TESPA1: variants seen among roughly 807,000 people sequenced by gnomAD.
TESPA1 encodes the protein protein TESPA1.
Under a neutral mutation model 57.9 loss-of-function variants are expected in TESPA1, and 33 were observed. The observed-to-expected ratio is 0.57, with a 90% CI of 0.43 to 0.76. The LOEUF (loss-of-function observed/expected upper bound fraction) is 0.76. Among genes scored for constraint, TESPA1 ranks in the 30% least tolerant of loss-of-function variants. TESPA1 has a pLI of 0.00. For synonymous variants in TESPA1, 227 were observed against 228.9 expected (o/e 0.99, Z 0.07); for missense variants, 618 against 632.9 (o/e 0.98, Z 0.25).
intron 10 of TESPA1, among the ~76,000 whole-genome samples, chr12:54,955,361 G>A (rs72648125): frequency 0.2 from 31,092 of 152,046 alleles, 5,379 homozygotes; most frequent in East Asian, 0.84. Context: ...TTATCAAGGA[G>A]GGTAGCACCT....
At chr12:54,982,465 C>T (rs550552433) in intron 1 of TESPA1, among the ~76,000 whole-genome samples, 1 of 152,320 alleles carries the variant, frequency 6.6e-6, no homozygotes, top group East Asian at 1.9e-4. Context: ...TGAAAGAAGA[C>T]CATCTAAGAC....
intron 10 of TESPA1, among the ~76,000 whole-genome samples, chr12:54,957,507 C>T (rs1220627887): frequency 6.6e-6 from 1 of 152,122 alleles, no homozygotes; most frequent in East Asian, 1.9e-4. Context: ...ATTGGCAGTA[C>T]TGAGCTGTTG....
chr12:54,975,767 A>G (rs1053374531), intron 1 of TESPA1, among the ~76,000 whole-genome samples: 2 of 152,214 alleles, frequency 1.3e-5, no homozygotes, highest in East Asian at 3.8e-4. Flanking sequence ...ACTTAAAACC[A>G]TTAGTGAGGC....
In TESPA1 at chr12:54,963,734, A is replaced by G; in HGVS notation, c.655+8T>C. 6.2e-7 allele frequency: 1 copy of G among 1,609,246 alleles called. No homozygotes were observed. The highest frequency in any genetic ancestry group is 8.5e-7 in the Non-Finnish European group (1 of 1,178,100). On this transcript the variant is annotated splice_region_variant and intron_variant, in intron 8 of 10. Transcript: ENST00000449076. ...GAAGTAGAGCAGGTGCCTGGGAGGG[A>G]CACTCACTGGCCAGCATGAGGCAGG...
At chr12:54,984,171 A>G (rs1440771888) in intron 1 of TESPA1, 1 of 152,214 alleles carries the variant, frequency 6.6e-6, no homozygotes, top group Non-Finnish European at 1.5e-5. Flanking sequence ...TAGGGCCTGA[A>G]ATGAAACCGG....
At chr12:54,981,474 G>A (rs74678562) in intron 1 of TESPA1, among the ~76,000 whole-genome samples, 1,872 of 151,748 alleles carry the variant, frequency 0.012, 43 homozygotes, top group African/African-American at 0.043. Flanking sequence ...TAATGTAACT[G>A]ACGAGTTAAC....
Position 54,975,531 on chromosome 12 carries a change from C to T in TESPA1, c.-45-924G>A, listed in dbSNP as rs368990262. Reference sequence around the variant, plus strand: ...CTAATGTAATATTCATTGGCTCATACTCTGTCCTGCTGCCTCTCCCCAGCT... The same window carrying T: ...CTAATGTAATATTCATTGGCTCATATTCTGTCCTGCTGCCTCTCCCCAGCT... On this transcript the variant is annotated intron_variant, in intron 1 of 10. Coordinates refer to ENST00000449076, the MANE Select transcript of TESPA1 (RefSeq NM_001136030.3). Among the ~76,000 whole-genome samples the T allele has an allele frequency of 1.2e-3, 182 of 152,214 alleles. 3 individuals carry two copies. The South Asian group carries it at 0.016, about 13-fold the overall frequency.
intron 1 of TESPA1, among the ~76,000 whole-genome samples, chr12:54,979,285 T>C (rs2136210357): frequency 1.3e-5 from 2 of 152,364 alleles, no homozygotes; most frequent in Middle Eastern, 6.8e-3. Flanking sequence ...GGAGTTCATC[T>C]ATCATCTCTC....
chr12:54,971,619 T>G (rs1159197124), intron 3 of TESPA1, among the ~76,000 whole-genome samples: 2 of 152,196 alleles, frequency 1.3e-5, no homozygotes, highest in Non-Finnish European at 2.9e-5. Context: ...CACAGATACA[T>G]AATGAAAATG....
At chr12:54,966,194 T>G (rs1951419201) in intron 6 of TESPA1, 43 bp from the exon 7 acceptor site, 2 of 1,563,802 alleles carry the variant, frequency 1.3e-6, no homozygotes, top group Non-Finnish European at 1.7e-6. Context: ...TTGTTTCCAG[T>G]CTGCACCCTG....
chr12:54,967,200 A>G lies in TESPA1; in HGVS notation c.293T>C (p.Leu98Ser), dbSNP rs745527722. ...CSHGTSFEDD[L>S]TLGAEATLLA... ...CCACTTACCCTCCGCTCCCAGGGTC[A>G]AGTCATCTTCAAAGCTGGTCCCATG... is the stretch of plus-strand genomic sequence containing the variant. Residue 98 changes from leucine (L) to serine (S), a missense_variant, in exon 5 of 11, where the codon TTG (leucine) becomes TCG (serine). Physicochemically the swap from Leu to Ser is moderately radical, Grantham distance 145 (BLOSUM62 -2). Transcript: ENST00000449076. 1.2e-6 allele frequency: 2 copies of G among 1,613,020 alleles called. No individual in the cohort carries two copies. The highest frequency in any genetic ancestry group is 2.7e-5 in the African/African-American group (2 of 74,720).
intron 10 of TESPA1, among the ~76,000 whole-genome samples, chr12:54,953,344 G>C (rs886709879): frequency 3.3e-5 from 5 of 152,062 alleles, no homozygotes; most frequent in Middle Eastern, 3.4e-3. Context: ...TAGGCATAAG[G>C]TGTAGTTTCC....
At chr12:54,972,140 A>T (rs183707833) in intron 3 of TESPA1, among the ~76,000 whole-genome samples, 2 of 152,348 alleles carry the variant, frequency 1.3e-5, no homozygotes, top group East Asian at 1.9e-4. Flanking sequence ...CAAGTCTTGG[A>T]GACTTTTCAC....
Position 54,982,483 on chromosome 12 carries a change from C to T in TESPA1, c.-46+2102G>A, listed in dbSNP as rs925053636. 6.6e-5 allele frequency among the ~76,000 whole-genome samples: 10 copies of T among 152,318 alleles called. No individual in the cohort carries two copies. The East Asian group carries it at 1.5e-3, about 23-fold the overall frequency. Reference sequence around the variant, plus strand: ...AAGAAGACCATCTAAGACCTTTTTCCTCTCCTTCCCTTTCTTCCTTACTTC... The same window carrying T: ...AAGAAGACCATCTAAGACCTTTTTCTTCTCCTTCCCTTTCTTCCTTACTTC... On this transcript the variant is annotated intron_variant, in intron 1 of 10. Coordinates refer to ENST00000449076, the MANE Select transcript of TESPA1 (RefSeq NM_001136030.3).
chr12:54,961,623 C>T lies in TESPA1; in HGVS notation c.1468-356G>A, dbSNP rs118149045. On this transcript the variant is annotated intron_variant, in intron 9 of 10. Transcript: ENST00000449076. ...GAAGAGTTGGTGGACTTAGAGAACA[C>T]GAAGAGTTGGTGGACTTAGAGAATG... 1.4e-3 allele frequency among the ~76,000 whole-genome samples: 210 copies of T among 152,220 alleles called. 3 individuals carry two copies. The South Asian group carries it at 0.02, about 15-fold the overall frequency.
intron 10 of TESPA1, among the ~76,000 whole-genome samples, chr12:54,955,368 A>C (rs1485973604): frequency 6.6e-6 from 1 of 152,208 alleles, no homozygotes; most frequent in East Asian, 1.9e-4. Flanking sequence ...GGAGGGTAGC[A>C]CCTGTCTCTT....
At chr12:54,978,444 T>G (rs1592425999) in intron 1 of TESPA1, among the ~76,000 whole-genome samples, 1 of 152,238 alleles carries the variant, frequency 6.6e-6, no homozygotes. Flanking sequence ...GTTTGAAATA[T>G]GCATAGGAAT....
intron 1 of TESPA1, among the ~76,000 whole-genome samples, chr12:54,983,703 T>C (rs943996763): frequency 6.6e-6 from 1 of 152,142 alleles, no homozygotes; most frequent in African/African-American, 2.4e-5. Flanking sequence ...GGACCCACCC[T>C]TTTTCTTCCA....
intron 1 of TESPA1, among the ~76,000 whole-genome samples, chr12:54,976,823 A>G (rs1390667201): frequency 2.0e-5 from 3 of 152,142 alleles, no homozygotes; most frequent in African/African-American, 4.8e-5. Context: ...TCTATTTTAC[A>G]TTCCTCCCAC....
Sources: allele counts gnomAD v4.1 joint callset (sites outside exome capture counted in the v4.1 genomes callset), GRCh38; gene constraint gnomAD v4.1.1; transcripts MANE v1.5; gene names NCBI Gene and HGNC (gene_info 2026-07-23, HGNC 2026-07-21).